ALDH6A1: variants seen among roughly 807,000 people sequenced by gnomAD.
ALDH6A1 encodes methylmalonate-semialdehyde/malonate-semialdehyde dehydrogenase [acylating], mitochondrial.
In ALDH6A1, 43 loss-of-function variants were observed where a neutral mutation model predicts 62.6. The observed-to-expected ratio is 0.69, with a 90% CI of 0.54 to 0.89. ALDH6A1 has a LOEUF of 0.89. Among genes scored for constraint, ALDH6A1 ranks in the 40% least tolerant of loss-of-function variants. The pLI, the probability that ALDH6A1 is intolerant of heterozygous loss-of-function variation, is 0.00. For missense variants in ALDH6A1, 551 were observed against 661.3 expected, an observed-to-expected ratio of 0.83 and a Z score of 1.83; for synonymous variants, 194 against 234.2, an observed-to-expected ratio of 0.83 and a Z score of 1.57.
Position 74,064,931 on chromosome 14 carries a change from A to G in ALDH6A1, c.1405-11T>C, listed in dbSNP as rs781755957. 1.8e-5 allele frequency: 29 copies of G among 1,609,562 alleles called. No individual in the cohort carries two copies. In the East Asian group the frequency reaches 6.5e-4, roughly 36 times the overall value. ...GACATTCACTCCCACCTAAAACAGA[A>G]CAAATCCGTGTCATATCCTAAGGAC... On this transcript the variant is annotated splice_polypyrimidine_tract_variant and intron_variant, in intron 10 of 11. Transcript: ENST00000553458.
At chr14:74,077,132 C>G (rs1162309083) in intron 1 of ALDH6A1, among the ~76,000 whole-genome samples, 3 of 152,266 alleles carry the variant, frequency 2.0e-5, no homozygotes, top group Admixed American at 6.5e-5. Context: ...CACTGACACT[C>G]TCCTGGAGCC....
rs2060252139 is a variant in ALDH6A1 at position 74,057,830 on chromosome 14, A to T, written c.*2812T>A. ...AGTTTTTTTCATCTAAGAAATAAGA[A>T]ACTCTGAGCAGCAAATAGTTGGCCA... On this transcript the variant is annotated 3_prime_UTR_variant, in exon 12 of 12. Coordinates refer to ENST00000553458, the MANE Select transcript of ALDH6A1 (RefSeq NM_005589.4). The T allele has an allele frequency of 9.7e-7, 1 of 1,032,246 alleles. No individual in the cohort carries two copies. The highest frequency in any genetic ancestry group is 3.4e-5 in the South Asian group (1 of 29,220). 63.9% of individuals were successfully genotyped at this position (1,032,246 alleles called of 1,614,324 possible). A position where few individuals can be genotyped will look rare whatever the true frequency, so the allele number is the denominator to read the frequency against.
At chr14:74,079,349 C>A (rs11848324) in intron 1 of ALDH6A1, among the ~76,000 whole-genome samples, 2 of 150,506 alleles carry the variant, frequency 1.3e-5, no homozygotes, top group Admixed American at 6.6e-5. Flanking sequence ...CGGGTTCAGG[C>A]GATTCTCCTG....
At position 74,057,997 on chromosome 14, in the gene ALDH6A1, T is replaced by A. The variant is rs1470894380; in HGVS notation, c.*2645A>T. ...TGGAATATAGACAATAATGACCTTT[T>A]ATTTAACCCAGCCTATAGTTGTTGG... On this transcript the variant is annotated 3_prime_UTR_variant, in exon 12 of 12. Coordinates refer to ENST00000553458, the MANE Select transcript of ALDH6A1 (RefSeq NM_005589.4). 4 of 755,860 alleles carry A rather than the reference T, an allele frequency of 5.3e-6. No homozygotes were observed. In the African/African-American group the frequency reaches 7.6e-5, roughly 14 times the overall value. The allele number at this position is 755,860 out of a possible 1,614,324, so 46.8% of individuals were successfully genotyped here.
At chr14:74,064,538 G>C in intron 11 of ALDH6A1, 2 of 720,460 alleles carry the variant, frequency 2.8e-6, no homozygotes, top group Non-Finnish European at 4.9e-6. Flanking sequence ...GATGAAAGGG[G>C]AGAGATGGGG....
intron 8 of ALDH6A1, 76 bp downstream of exon 8, chr14:74,067,304 C>T: frequency 6.5e-7 from 1 of 1,540,576 alleles, no homozygotes; most frequent in Non-Finnish European, 9.0e-7. Flanking sequence ...TCCCACTGGC[C>T]AAGGCCAGTG....
chr14:74,077,313 G>A (rs189279713), intron 1 of ALDH6A1, among the ~76,000 whole-genome samples: 42 of 152,170 alleles, frequency 2.8e-4, no homozygotes, highest in African/African-American at 9.2e-4. Flanking sequence ...AATACTTCCC[G>A]TTTCAGGCTT....
rs545399557 is a variant in ALDH6A1 at position 74,060,599 on chromosome 14, G to A, written c.*43C>T. ...ACAAATGAAGCTGGTCAAAAATAAA[G>A]GGAGATTACTCAGGATGGAGTCAGT... On this transcript the variant is annotated 3_prime_UTR_variant, in exon 12 of 12. Coordinates refer to ENST00000553458, the MANE Select transcript of ALDH6A1 (RefSeq NM_005589.4). 2.2e-6 allele frequency: 3 copies of A among 1,342,016 alleles called. No individual in the cohort carries two copies. The highest frequency in any genetic ancestry group is 2.3e-5 in the East Asian group (1 of 43,678). The allele number at this position is 1,342,016 out of a possible 1,614,324, so 83.1% of individuals were successfully genotyped here. A position where few individuals can be genotyped will look rare whatever the true frequency, so the allele number is the denominator to read the frequency against.
intron 7 of ALDH6A1, 59 bp downstream of exon 7, chr14:74,068,801 T>C (rs2060508255): frequency 2.5e-6 from 4 of 1,596,494 alleles, no homozygotes; most frequent in Non-Finnish European, 3.4e-6. Flanking sequence ...TGAAGGTCTG[T>C]TCCTAGGTAA....
intron 4 of ALDH6A1, 105 bp from the exon 5 acceptor site, chr14:74,072,079 G>T: frequency 6.4e-7 from 1 of 1,562,940 alleles, no homozygotes; most frequent in South Asian, 1.1e-5. Flanking sequence ...GTACAAGGGA[G>T]AGAGTCATGA....
rs544965493 is a variant in ALDH6A1, at chr14:74,071,140, A to G, written c.730+55T>C. On this transcript the variant is annotated intron_variant, in intron 6 of 11. Transcript: ENST00000553458. ...TCCTAAAACATCCAACCATCACTCAACACCTTGATTTTTTGGTAGCCAGAT... is the reference window on the plus strand; with the variant it reads ...TCCTAAAACATCCAACCATCACTCAGCACCTTGATTTTTTGGTAGCCAGAT... 13 of 1,521,842 alleles carry G rather than the reference A, an allele frequency of 8.5e-6. 1 individual carries two copies. The South Asian group carries it at 1.1e-4, about 13-fold the overall frequency. 94.3% of individuals were successfully genotyped at this position (1,521,842 alleles called of 1,614,324 possible).
chr14:74,063,806 C>T (rs1415274016), intron 11 of ALDH6A1, among the ~76,000 whole-genome samples: 1 of 149,400 alleles, frequency 6.7e-6, no homozygotes, highest in East Asian at 2.0e-4. Context: ...GCGGAGGTTG[C>T]AGTGAGCCAA....
intron 7 of ALDH6A1, 103 bp downstream of exon 7, chr14:74,068,757 A>G: frequency 3.7e-6 from 5 of 1,366,742 alleles, no homozygotes; most frequent in Non-Finnish European, 5.1e-6. Flanking sequence ...AGAAAGAAAC[A>G]CTGACATTGG....
chr14:74,066,639 G>C, intron 9 of ALDH6A1, 66 bp downstream of exon 9: 2 of 1,410,420 alleles, frequency 1.4e-6, no homozygotes, highest in Non-Finnish European at 2.0e-6. Context: ...ATAAATTAGA[G>C]GGATGAGATT....
intron 8 of ALDH6A1, 93 bp from the exon 9 acceptor site, chr14:74,066,979 G>T: frequency 8.0e-7 from 1 of 1,246,082 alleles, no homozygotes; most frequent in Non-Finnish European, 1.2e-6. Context: ...GCTTTAGGAG[G>T]CCAAGGCAGG....
At chr14:74,084,294 C>A in intron 1 of ALDH6A1, 53 bp downstream of exon 1, 1 of 1,612,450 alleles carries the variant, frequency 6.2e-7, no homozygotes, top group Non-Finnish European at 8.5e-7. Context: ...AGGGAGCGGA[C>A]GGAAAGGATC....
rs1477142728 is a variant in ALDH6A1 at position 74,071,877 on chromosome 14, T to G, written c.427+19A>C. ...CCTTTGGTCCTTCCCAAAAGTCCCA[T>G]AAGGGGCTCCCAGCTTACGAAGGCC... is the stretch of plus-strand genomic sequence containing the variant. On this transcript the variant is annotated intron_variant, in intron 5 of 11. Coordinates refer to ENST00000553458, the MANE Select transcript of ALDH6A1 (RefSeq NM_005589.4). 1.2e-6 allele frequency: 2 copies of G among 1,613,274 alleles called. No individual in the cohort carries two copies. The highest frequency in any genetic ancestry group is 1.7e-6 in the Non-Finnish European group (2 of 1,179,312).
chr14:74,071,794 C>A, intron 5 of ALDH6A1, 102 bp downstream of exon 5: 1 of 1,496,670 alleles, frequency 6.7e-7, no homozygotes, highest in Non-Finnish European at 9.3e-7. Flanking sequence ...CATGGGATGG[C>A]AAAATCTATG....
intron 2 of ALDH6A1, among the ~76,000 whole-genome samples, chr14:74,074,438 C>T (rs921249973): frequency 1.3e-5 from 2 of 151,778 alleles, no homozygotes; most frequent in African/African-American, 4.8e-5. Flanking sequence ...AGGTGCGTGC[C>T]ACCATGCCCA....
Sources: gnomAD v4.1 joint callset for allele counts (sites outside exome capture counted in the v4.1 genomes callset) on GRCh38, gnomAD v4.1.1 for gene constraint, MANE v1.5 for transcripts, NCBI Gene and HGNC (gene_info 2026-07-23, HGNC 2026-07-21) for gene names.